The following CCDC91 variants were observed in gnomAD, a reference collection of about 807,000 sequenced individuals.
CCDC91 encodes the protein coiled-coil domain-containing protein 91.
A neutral mutation model predicts 63.2 loss-of-function variants in CCDC91; 48 were observed. That is an observed-to-expected ratio of 0.76 (90% confidence interval 0.60 to 0.97). The LOEUF is 0.97. Among genes scored for constraint, CCDC91 ranks in the 50% least tolerant of loss-of-function variants. The pLI is 0.00. For synonymous variants in CCDC91, 167 were observed against 165.8 expected (o/e 1.01, Z -0.06); for missense variants, 500 against 494.6 (o/e 1.01, Z -0.10).
rs566804072 is a variant in CCDC91 at position 28,308,978 on chromosome 12, A to G, written c.576+1229A>G. Among the ~76,000 whole-genome samples, 18 of 152,066 alleles carry G rather than the reference A, an allele frequency of 1.2e-4. No individual in the cohort carries two copies. The South Asian group carries it at 1.2e-3, about 11-fold the overall frequency. ...ATTTTCATTCCAATATACATTTTCA[A>G]GCTTCTCCAGTTTACCCTCAGGTAT... On this transcript the variant is annotated intron_variant, in intron 6 of 12. Coordinates refer to ENST00000536442, the MANE Select transcript of CCDC91 (RefSeq NM_018318.5).
chr12:28,380,024 G>A (rs1272198980), intron 7 of CCDC91, among the ~76,000 whole-genome samples: 1 of 152,154 alleles, frequency 6.6e-6, no homozygotes, highest in Non-Finnish European at 1.5e-5. Context: ...TGCCTTTGCA[G>A]GGACGTGGAT....
intron 1 of CCDC91, among the ~76,000 whole-genome samples, chr12:28,249,993 C>T (rs1946013648): frequency 6.6e-6 from 1 of 152,012 alleles, no homozygotes; most frequent in Non-Finnish European, 1.5e-5. Context: ...GTGATTAGTT[C>T]TGCAAAATCT....
At chr12:28,437,294 T>A (rs2140159646) in intron 8 of CCDC91, among the ~76,000 whole-genome samples, 1 of 152,152 alleles carries the variant, frequency 6.6e-6, no homozygotes, top group South Asian at 2.1e-4. Flanking sequence ...GAGGCATAGT[T>A]TTTATTTAAT....
intron 11 of CCDC91, among the ~76,000 whole-genome samples, chr12:28,463,003 G>A (rs1460692575): frequency 3.9e-5 from 6 of 152,050 alleles, no homozygotes; most frequent in Non-Finnish European, 8.8e-5. Flanking sequence ...TGGCATGTCC[G>A]GGAAACTGCA....
chr12:28,302,897 A>C (rs1938235395), intron 3 of CCDC91: 1 of 152,162 alleles, frequency 6.6e-6, no homozygotes, highest in East Asian at 1.9e-4. Flanking sequence ...TAATTTGAAG[A>C]GTGGGTTTTG....
At chr12:28,341,490 A>T (rs1425295288) in intron 6 of CCDC91, among the ~76,000 whole-genome samples, 1 of 152,182 alleles carries the variant, frequency 6.6e-6, no homozygotes, top group Non-Finnish European at 1.5e-5. Flanking sequence ...AATCCAGGAT[A>T]ATCTCCCTAT....
At chr12:28,481,678 A>G (rs1350633639) in intron 11 of CCDC91, among the ~76,000 whole-genome samples, 1 of 152,024 alleles carries the variant, frequency 6.6e-6, no homozygotes, top group East Asian at 1.9e-4. Context: ...TTACTTTTAT[A>G]TAACATTCAA....
chr12:28,414,670 C>T (rs1046703326), intron 8 of CCDC91, among the ~76,000 whole-genome samples: 3 of 152,090 alleles, frequency 2.0e-5, no homozygotes, highest in African/African-American at 7.2e-5. Flanking sequence ...ATTTCCAGAT[C>T]ATGGTAATGT....
chr12:28,545,178 A>AT (rs1299330682), intron 12 of CCDC91, among the ~76,000 whole-genome samples: 1 of 152,066 alleles, frequency 6.6e-6, no homozygotes, highest in African/African-American at 2.4e-5. Context: ...TGGACATAAT[A>AT]TTTTTCATTA....
chr12:28,227,490 T>G (rs1337915091), intron 1 of CCDC91, among the ~76,000 whole-genome samples: 1 of 152,086 alleles, frequency 6.6e-6, no homozygotes, highest in East Asian at 1.9e-4. Context: ...GACCTTTTCC[T>G]TTTGGTCTTT....
At chr12:28,278,588 A>G (rs1267402308) in intron 3 of CCDC91, among the ~76,000 whole-genome samples, 2 of 152,044 alleles carry the variant, frequency 1.3e-5, no homozygotes, top group African/African-American at 4.8e-5. Context: ...GTCTTTCTCA[A>G]GTCTTTTTGT....
chr12:28,254,958 A>T lies in CCDC91; in HGVS notation c.-14-2244A>T, dbSNP rs571063696. 5.9e-5 allele frequency among the ~76,000 whole-genome samples: 9 copies of T among 152,094 alleles called. No homozygotes were observed. The East Asian group carries it at 1.7e-3, about 29-fold the overall frequency. Reference sequence around the variant, plus strand: ...GGCTAATTTTTTGTATTTTTAGTAGAGGCAGGGTTTCACCATGTTGACCAG... The same window carrying T: ...GGCTAATTTTTTGTATTTTTAGTAGTGGCAGGGTTTCACCATGTTGACCAG... On this transcript the variant is annotated intron_variant, in intron 1 of 12. Coordinates refer to ENST00000536442, the MANE Select transcript of CCDC91 (RefSeq NM_018318.5).
intron 8 of CCDC91, among the ~76,000 whole-genome samples, chr12:28,434,416 T>C (rs1464735772): frequency 6.6e-6 from 1 of 151,656 alleles, no homozygotes; most frequent in East Asian, 1.9e-4. Flanking sequence ...ATTACATTAG[T>C]TGATTTTTGA....
At chr12:28,232,389 G>A (rs1332565721) in intron 1 of CCDC91, among the ~76,000 whole-genome samples, 1 of 151,454 alleles carries the variant, frequency 6.6e-6, no homozygotes, top group African/African-American at 2.4e-5. Context: ...TTTGAATATT[G>A]CAGGTACCAT....
intron 6 of CCDC91, among the ~76,000 whole-genome samples, chr12:28,344,233 C>T (rs932536831): frequency 9.2e-5 from 14 of 152,084 alleles, no homozygotes; most frequent in African/African-American, 3.1e-4. Context: ...AATAAAACCA[C>T]ATACTAATCA....
chr12:28,268,209 G>A (rs1431904989), intron 3 of CCDC91, among the ~76,000 whole-genome samples: 6 of 151,176 alleles, frequency 4.0e-5, no homozygotes, highest in African/African-American at 1.5e-4. Flanking sequence ...GATTACAGGT[G>A]TGTGCCACCA....
At chr12:28,473,750 A>G (rs558423954) in intron 11 of CCDC91, among the ~76,000 whole-genome samples, 1 of 152,198 alleles carries the variant, frequency 6.6e-6, no homozygotes, top group South Asian at 2.1e-4. Flanking sequence ...TTGTTTTTTA[A>G]TTTACTATTG....
At chr12:28,343,876 A>G (rs571676656) in intron 6 of CCDC91, among the ~76,000 whole-genome samples, 36 of 152,284 alleles carry the variant, frequency 2.4e-4, no homozygotes, top group African/African-American at 8.2e-4. Context: ...TTATTCTAAC[A>G]TTAATTTTAG....
intron 3 of CCDC91, among the ~76,000 whole-genome samples, chr12:28,267,661 T>C (rs1482544035): frequency 1.3e-4 from 7 of 52,710 alleles, no homozygotes; most frequent in African/African-American, 3.5e-4. Context: ...ACCCAATTAA[T>C]ATATTAATTA....
Sources: gnomAD v4.1 joint callset for allele counts (sites outside exome capture counted in the v4.1 genomes callset) on GRCh38, gnomAD v4.1.1 for gene constraint, MANE v1.5 for transcripts, NCBI Gene and HGNC (gene_info 2026-07-23, HGNC 2026-07-21) for gene names.